The following PLCG2 variants were observed in gnomAD, a reference collection of about 807,000 sequenced individuals.
PLCG2 encodes the protein 1-phosphatidylinositol 4,5-bisphosphate phosphodiesterase gamma-2.
Under a neutral mutation model 175.6 loss-of-function variants are expected in PLCG2, and 69 were observed. The observed-to-expected ratio is 0.39, with a 90% CI of 0.32 to 0.48. The LOEUF is 0.48. PLCG2 is among the 20% of genes least tolerant of loss of function. The probability of loss-of-function intolerance (pLI) is 0.91; values close to 1 mark genes in which losing one functional copy is unlikely to be tolerated. For missense variants in PLCG2, 1,798 were observed against 1,650.9 expected, an observed-to-expected ratio of 1.09 and a Z score of -1.54; for synonymous variants, 827 against 624.0, an observed-to-expected ratio of 1.33 and a Z score of -4.85.
rs74742890 is a variant in PLCG2 at position 81,781,750 on chromosome 16, T to G, written c.-48+2326T>G. 3.3e-4 allele frequency among the ~76,000 whole-genome samples: 50 copies of G among 152,300 alleles called. 2 individuals carry two copies. In the East Asian group the frequency reaches 9.6e-3, roughly 29 times the overall value. On this transcript the variant is annotated intron_variant, in intron 1 of 32. Coordinates refer to ENST00000564138, the MANE Select transcript of PLCG2 (RefSeq NM_002661.5). ...CCTGTGCTCCATTTTAACACAATTG[T>G]CTTGTGGGATTTTTGGATGAAATCC...
At chr16:81,908,329 G>T (rs62044874) in intron 16 of PLCG2, 87 bp from the exon 17 acceptor site, 1 of 1,250,698 alleles carries the variant, frequency 8.0e-7, no homozygotes, top group Non-Finnish European at 1.1e-6. Flanking sequence ...CTGGTACCCT[G>T]GGTCAGGGTG....
intron 13 of PLCG2, among the ~76,000 whole-genome samples, chr16:81,897,553 T>C (rs1261191150): frequency 6.7e-6 from 1 of 148,904 alleles, no homozygotes; most frequent in African/African-American, 2.5e-5. Flanking sequence ...CTTTTCTTTT[T>C]TTTTTTTTTT....
chr16:81,815,667 C>T (rs575641744), intron 2 of PLCG2, among the ~76,000 whole-genome samples: 1 of 152,264 alleles, frequency 6.6e-6, no homozygotes, highest in East Asian at 1.9e-4. Context: ...TGGGAAAATC[C>T]TGCCTGATTT....
rs934637196 is a variant in PLCG2, at chr16:81,923,682, AC to A, written c.2417+93del. ...AAGACTCAGGTGCTGGCCAAGTCTGACCCCCTTTGTCATCCTGGGCTGGCTT... is the reference window on the plus strand; with the variant it reads ...AAGACTCAGGTGCTGGCCAAGTCTGACCCCTTTGTCATCCTGGGCTGGCTT... On this transcript the variant is annotated intron_variant, in intron 22 of 32. Coordinates refer to ENST00000564138, the MANE Select transcript of PLCG2 (RefSeq NM_002661.5). 21 of 749,616 alleles carry A rather than the reference AC, an allele frequency of 2.8e-5. No individual in the cohort carries two copies. The African/African-American group carries it at 3.5e-4, about 12-fold the overall frequency. 46.4% of individuals were successfully genotyped at this position (749,616 alleles called of 1,614,324 possible).
chr16:81,896,941 G>C (rs1328186942), intron 13 of PLCG2, among the ~76,000 whole-genome samples: 1 of 152,226 alleles, frequency 6.6e-6, no homozygotes, highest in African/African-American at 2.4e-5. Flanking sequence ...TGTCCCACCA[G>C]AAGATCTTGG....
intron 31 of PLCG2, among the ~76,000 whole-genome samples, chr16:81,953,678 G>A (rs372752526): frequency 6.6e-6 from 1 of 152,192 alleles, no homozygotes; most frequent in African/African-American, 2.4e-5. Context: ...CTTGACTAGA[G>A]TGGTGGTTCC....
intron 1 of PLCG2, among the ~76,000 whole-genome samples, chr16:81,754,794 A>G (rs902331723): frequency 6.6e-6 from 1 of 152,108 alleles, no homozygotes; most frequent in Non-Finnish European, 1.5e-5. Flanking sequence ...TATGCTATGA[A>G]GATTGAATGG....
chr16:81,768,552 G>GTTTTT lies in PLCG2; in HGVS notation c.-48+12609_-48+12613dup, dbSNP rs769292122. ...TCACCAGCACTCGGTGTTATCCTCA[G>GTTTTT]TTTTTTTTTTTTTTTTTTTTTTTTT... is the stretch of plus-strand genomic sequence containing the variant. On this transcript the variant is annotated intron_variant, in intron 2 of 5. Coordinates refer to the PLCG2 transcript ENST00000565054. Among the ~76,000 whole-genome samples, 33 of 105,414 alleles carry GTTTTT rather than the reference G, an allele frequency of 3.1e-4. 2 individuals carry two copies. The highest frequency in any genetic ancestry group is 1.2e-3 in the African/African-American group (30 of 24,622). 69.2% of individuals were successfully genotyped at this position (105,414 alleles called of 152,430 possible). A position where few individuals can be genotyped will look rare whatever the true frequency, so the allele number is the denominator to read the frequency against.
At position 81,910,647 on chromosome 16, in the gene PLCG2, C is replaced by T. The variant is rs761784440; in HGVS notation, c.1861C>T (p.His621Tyr). Residue 621 changes from histidine (H) to tyrosine (Y), a missense_variant, in exon 18 of 33, where the codon CAC (histidine) becomes TAC (tyrosine). Transcript: ENST00000564138. ...YALIQHYRETHLRCAEFELRL... is the reference protein window; with the variant it reads ...YALIQHYRETYLRCAEFELRL... Reference sequence around the variant, plus strand: ...CCTCATCCAGCACTACCGCGAGACGCACCTGCGCTGCGCCGAGTTCGAGCT... The same window carrying T: ...CCTCATCCAGCACTACCGCGAGACGTACCTGCGCTGCGCCGAGTTCGAGCT... The T allele has an allele frequency of 1.2e-5, 20 of 1,613,976 alleles. No homozygotes were observed. In the South Asian group the frequency reaches 1.4e-4, roughly 12 times the overall value.
intron 6 of PLCG2, among the ~76,000 whole-genome samples, chr16:81,870,364 T>C (rs547302013): frequency 1.3e-4 from 20 of 152,350 alleles, no homozygotes; most frequent in African/African-American, 4.8e-4. Flanking sequence ...AAGCAATTAA[T>C]TGGAGCTGAG....
intron 31 of PLCG2, among the ~76,000 whole-genome samples, chr16:81,949,970 C>T (rs1597153075): frequency 6.6e-6 from 1 of 152,080 alleles, no homozygotes; most frequent in African/African-American, 2.4e-5. Flanking sequence ...TTTTAGTTAG[C>T]ATTGTTAGAC....
chr16:81,813,127 T>A (rs1400383867), intron 2 of PLCG2, among the ~76,000 whole-genome samples: 1 of 152,244 alleles, frequency 6.6e-6, no homozygotes, highest in Non-Finnish European at 1.5e-5. Context: ...CAGCTTGTTC[T>A]TTCTGCTTAG....
intron 2 of PLCG2, among the ~76,000 whole-genome samples, chr16:81,794,903 G>A (rs887551891): frequency 6.6e-6 from 1 of 152,218 alleles, no homozygotes; most frequent in African/African-American, 2.4e-5. Context: ...TTTGGAGCAT[G>A]CCAGTGTGAA....
chr16:81,956,832 T>C lies in PLCG2; in HGVS notation c.3708T>C (p.Ser1236=). Residue 1236 remains serine (S), a synonymous_variant, in exon 32 of 33, where the codon AGT becomes AGC. Transcript: ENST00000564138. The stretch of plus-strand genomic sequence containing the variant: ...GGGATGCCCTGGTTAAAGAGTTCAG[T>C]GTTAATGAGAACCAGCTCCAGCTGT... The part of the protein sequence containing the change: ...ANRDALVKEF[S]VNENQLQLYQ... The C allele has an allele frequency of 6.2e-7, 1 of 1,614,112 alleles. No individual in the cohort carries two copies. The highest frequency in any genetic ancestry group is 8.5e-7 in the Non-Finnish European group (1 of 1,179,990).
At chr16:81,890,981 G>A (rs1908604258) in intron 10 of PLCG2, among the ~76,000 whole-genome samples, 1 of 152,130 alleles carries the variant, frequency 6.6e-6, no homozygotes, top group Non-Finnish European at 1.5e-5. Flanking sequence ...TGGCCGACAT[G>A]GTAAAATTCT....
chr16:81,914,250 A>T (rs569120177), intron 19 of PLCG2, among the ~76,000 whole-genome samples: 8 of 152,350 alleles, frequency 5.3e-5, no homozygotes, highest in African/African-American at 1.9e-4. Context: ...CTCTGACACA[A>T]CCGGATCGGG....
chr16:81,825,666 T>C (rs1005450606), intron 2 of PLCG2, among the ~76,000 whole-genome samples: 2 of 152,222 alleles, frequency 1.3e-5, no homozygotes, highest in African/African-American at 4.8e-5. Flanking sequence ...ATTGTAACTT[T>C]AATGGCAAAA....
chr16:81,827,140 A>G (rs1567484859), intron 2 of PLCG2, among the ~76,000 whole-genome samples: 1 of 150,568 alleles, frequency 6.6e-6, no homozygotes, highest in Non-Finnish European at 1.5e-5. Flanking sequence ...CCTCAACGGG[A>G]TGTGTGGTAA....
intron 2 of PLCG2, among the ~76,000 whole-genome samples, chr16:81,830,392 C>T (rs1003929606): frequency 1.3e-5 from 2 of 152,082 alleles, no homozygotes; most frequent in African/African-American, 2.4e-5. Flanking sequence ...CTGCAACCTC[C>T]ACTTCTTGGG....
Sources: gnomAD v4.1 joint callset for allele counts (sites outside exome capture counted in the v4.1 genomes callset) on GRCh38, gnomAD v4.1.1 for gene constraint, MANE v1.5 for transcripts, NCBI Gene and HGNC (gene_info 2026-07-23, HGNC 2026-07-21) for gene names.